Variants in ZNF385D observed in about 807,000 individuals in gnomAD.
The protein encoded by ZNF385D is zinc finger protein 659.
Under a neutral mutation model 35.8 loss-of-function variants are expected in ZNF385D, and 15 were observed. The ratio of observed to expected loss-of-function variants is 0.42; its 90% CI spans 0.28 to 0.64. ZNF385D has a LOEUF of 0.64. ZNF385D is among the 30% of genes least tolerant of loss of function. The probability of loss-of-function intolerance (pLI) is 0.23; values close to 1 mark genes in which losing one functional copy is unlikely to be tolerated. For synonymous variants in ZNF385D, 212 were observed against 186.8 expected, an observed-to-expected ratio of 1.13 and a Z score of -1.10; for missense variants, 474 against 494.6, an observed-to-expected ratio of 0.96 and a Z score of 0.39.
At chr3:21,864,624 TATG>T (rs1224337869) in intron 3 of ZNF385D, among the ~76,000 whole-genome samples, 1 of 152,110 alleles carries the variant, frequency 6.6e-6, no homozygotes, top group Non-Finnish European at 1.5e-5. Flanking sequence ...AATAATCAAA[TATG>T]ATCATTTTCT....
chr3:21,531,582 G>C (rs530528278), intron 3 of ZNF385D, among the ~76,000 whole-genome samples: 7 of 152,226 alleles, frequency 4.6e-5, no homozygotes, highest in Non-Finnish European at 7.4e-5. Context: ...ATGCTAAAAA[G>C]TAATGAGCCA....
At chr3:21,710,174 T>A (rs1198477814) in intron 1 of ZNF385D, among the ~76,000 whole-genome samples, 2 of 152,186 alleles carry the variant, frequency 1.3e-5, no homozygotes, top group African/African-American at 2.4e-5. Flanking sequence ...ATGAAGGAGT[T>A]TGGGGGAGAA....
intron 3 of ZNF385D, among the ~76,000 whole-genome samples, chr3:21,815,338 G>A (rs1218820482): frequency 1.3e-5 from 2 of 152,122 alleles, no homozygotes; most frequent in Admixed American, 6.6e-5. Context: ...TAAGATCAGA[G>A]CAGAACTGAA....
chr3:21,434,364 A>G (rs341850), intron 5 of ZNF385D, among the ~76,000 whole-genome samples: 96,257 of 152,014 alleles, frequency 0.63, 32,856 homozygotes, highest in Non-Finnish European at 0.77. Flanking sequence ...ACACGCCACA[A>G]TGATCATATG....
intron 3 of ZNF385D, among the ~76,000 whole-genome samples, chr3:21,957,608 T>C (rs780306503): frequency 5.9e-5 from 9 of 152,202 alleles, no homozygotes; most frequent in Middle Eastern, 3.4e-3. Flanking sequence ...GCATAAGGTA[T>C]TGCTTGAACT....
intron 2 of ZNF385D, among the ~76,000 whole-genome samples, chr3:22,308,819 G>C (rs1430203530): frequency 2.0e-5 from 3 of 152,074 alleles, no homozygotes; most frequent in Admixed American, 2.0e-4. Context: ...ATTTGGATCT[G>C]CTCCGTTTTT....
At chr3:22,041,711 T>A (rs183369234) in intron 3 of ZNF385D, among the ~76,000 whole-genome samples, 336 of 152,196 alleles carry the variant, frequency 2.2e-3, no homozygotes, top group Non-Finnish European at 4.1e-3. Flanking sequence ...ACACCTGAAA[T>A]ATTGTTTTAG....
intron 4 of ZNF385D, among the ~76,000 whole-genome samples, chr3:21,469,999 C>A (rs1703783954): frequency 6.6e-6 from 1 of 152,042 alleles, no homozygotes; most frequent in African/African-American, 2.4e-5. Flanking sequence ...GATTTGAAAG[C>A]CAGATAAAAT....
intron 3 of ZNF385D, among the ~76,000 whole-genome samples, chr3:22,016,560 G>A (rs1290691565): frequency 6.6e-6 from 1 of 152,026 alleles, no homozygotes; most frequent in Non-Finnish European, 1.5e-5. Context: ...TCAAAGGGGA[G>A]AGTATTTCAG....
intron 3 of ZNF385D, among the ~76,000 whole-genome samples, chr3:21,802,944 C>G (rs145633110): frequency 1.3e-5 from 2 of 152,068 alleles, no homozygotes; most frequent in Admixed American, 1.3e-4. Context: ...GGAAGTAGGA[C>G]AAGGAATGGG....
At chr3:21,501,964 T>C (rs1706401677) in intron 4 of ZNF385D, among the ~76,000 whole-genome samples, 1 of 152,144 alleles carries the variant, frequency 6.6e-6, no homozygotes, top group African/African-American at 2.4e-5. Context: ...AAATCTCTGG[T>C]AAAGAAAGAC....
At chr3:21,453,208 G>A (rs549741739) in intron 4 of ZNF385D, among the ~76,000 whole-genome samples, 154 of 149,994 alleles carry the variant, frequency 1.0e-3, no homozygotes, top group Middle Eastern at 7.1e-3. Flanking sequence ...GCCTCACACC[G>A]CATGTCATTC....
At position 21,751,022 on chromosome 3, in the gene ZNF385D, C is replaced by G; in HGVS notation, c.-106G>C. The G allele has an allele frequency of 1.3e-6, 2 of 1,599,508 alleles. No individual in the cohort carries two copies. The highest frequency in any genetic ancestry group is 1.7e-6 in the Non-Finnish European group (2 of 1,172,958). ...CATGCTACATTCGGTGGAAATGTCC[C>G]CGGCGTGGAGAGCAGTGAGCGCCGA... On this transcript the variant is annotated 5_prime_UTR_variant, in exon 1 of 8. Transcript: ENST00000281523.
At chr3:21,858,195 T>C (rs2125824242) in intron 3 of ZNF385D, among the ~76,000 whole-genome samples, 1 of 149,598 alleles carries the variant, frequency 6.7e-6, no homozygotes, top group South Asian at 2.1e-4. Flanking sequence ...TCCAATGTAC[T>C]GTTTATCTCA....
chr3:21,618,177 G>A (rs924167865), intron 2 of ZNF385D, among the ~76,000 whole-genome samples: 18 of 152,274 alleles, frequency 1.2e-4, no homozygotes, highest in African/African-American at 4.1e-4. Context: ...GTGATGCTGA[G>A]AGAAAGAGAT....
rs869252663 is a variant in ZNF385D at position 21,711,039 on chromosome 3, G to GTTTTTTTTTTTTTTTTTTTTTTT, written c.22+39855_22+39856insAAAAAAAAAAAAAAAAAAAAAAA. 3.5e-4 allele frequency among the ~76,000 whole-genome samples: 29 copies of GTTTTTTTTTTTTTTTTTTTTTTT among 83,140 alleles called. 9 individuals are homozygous for GTTTTTTTTTTTTTTTTTTTTTTT. Among genetic ancestry groups the GTTTTTTTTTTTTTTTTTTTTTTT allele is most frequent in the African/African-American group, 1.3e-3 (25 of 19,488 alleles). The allele number at this position is 83,140 out of a possible 152,430, so 54.5% of individuals were successfully genotyped here. On this transcript the variant is annotated intron_variant, in intron 1 of 7. Transcript: ENST00000281523. ...TCTTAATTTCCTTATCCCTCTAAAA[G>GTTTTTTTTTTTTTTTTTTTTTTT]TTTTTTTTTTTTTTTTTTTTGAGAT...
intron 1 of ZNF385D, among the ~76,000 whole-genome samples, chr3:21,677,110 A>C (rs2066752958): frequency 6.6e-6 from 1 of 152,118 alleles, no homozygotes; most frequent in Admixed American, 6.6e-5. Flanking sequence ...AGTTAAACAC[A>C]AGGATTAAAG....
At chr3:21,768,678 C>A (rs1575616368) in intron 3 of ZNF385D, among the ~76,000 whole-genome samples, 1 of 151,924 alleles carries the variant, frequency 6.6e-6, no homozygotes, top group Middle Eastern at 3.2e-3. Context: ...GGAATATGTG[C>A]TTTGATCACT....
At chr3:21,931,086 T>G (rs1489879432) in intron 3 of ZNF385D, among the ~76,000 whole-genome samples, 1 of 152,048 alleles carries the variant, frequency 6.6e-6, no homozygotes, top group Non-Finnish European at 1.5e-5. Context: ...CCAGAATATA[T>G]AAAGAAATTT....
Sources: gnomAD v4.1 joint callset for allele counts (sites outside exome capture counted in the v4.1 genomes callset) on GRCh38, gnomAD v4.1.1 for gene constraint, MANE v1.5 for transcripts, NCBI Gene and HGNC (gene_info 2026-07-23, HGNC 2026-07-21) for gene names.